Variants in CSMD3 observed in about 807,000 individuals in gnomAD.
The protein encoded by CSMD3 is CUB and Sushi multiple domains 3, also known as CUB and sushi domain-containing protein 3.
CSMD3 carries 177 observed loss-of-function variants against 435.2 expected under a neutral mutation model. The ratio of observed to expected loss-of-function variants is 0.41; its 90% CI spans 0.36 to 0.46. The LOEUF is 0.46. Among genes scored for constraint, CSMD3 ranks in the 20% least tolerant of loss-of-function variants. CSMD3 has a pLI of 0.34. For synonymous variants in CSMD3, 1,656 were observed against 1,520.5 expected, an observed-to-expected ratio of 1.09 and a Z score of -2.07; for missense variants, 4,265 against 4,504.6, an observed-to-expected ratio of 0.95 and a Z score of 1.52.
intron 22 of CSMD3, among the ~76,000 whole-genome samples, chr8:112,620,015 A>C (rs981921663): frequency 6.6e-6 from 1 of 152,106 alleles, no homozygotes; most frequent in African/African-American, 2.4e-5. Flanking sequence ...TACATAATAA[A>C]TAACCAGGGA....
At chr8:112,599,180 A>AC (rs1267807106) in intron 22 of CSMD3, among the ~76,000 whole-genome samples, 2,000 of 146,816 alleles carry the variant, frequency 0.014, 42 homozygotes, top group African/African-American at 0.048. Flanking sequence ...AAAGAAAAAA[A>AC]AAACAACCCC....
chr8:112,386,704 A>G (rs997835444), intron 36 of CSMD3, among the ~76,000 whole-genome samples: 5 of 151,916 alleles, frequency 3.3e-5, no homozygotes, highest in African/African-American at 7.2e-5. Context: ...TCACTATGTT[A>G]GCCAGGATGG....
At chr8:112,855,333 G>A (rs1242031963) in intron 11 of CSMD3, among the ~76,000 whole-genome samples, 2 of 152,038 alleles carry the variant, frequency 1.3e-5, no homozygotes, top group African/African-American at 4.8e-5. Flanking sequence ...TAGCTGCAAA[G>A]GACGCAATTT....
At chr8:113,007,871 G>A (rs1299583851) in intron 6 of CSMD3, among the ~76,000 whole-genome samples, 2 of 151,586 alleles carry the variant, frequency 1.3e-5, no homozygotes, top group African/African-American at 4.8e-5. Context: ...ATCCTTATGG[G>A]GAAAACGTAA....
At chr8:112,629,763 A>G (rs1401495143) in intron 22 of CSMD3, among the ~76,000 whole-genome samples, 2 of 152,208 alleles carry the variant, frequency 1.3e-5, no homozygotes, top group African/African-American at 2.4e-5. Flanking sequence ...TGGTGGACAG[A>G]CTTTAAGTTG....
chr8:112,720,159 G>C (rs1468003726), intron 13 of CSMD3, among the ~76,000 whole-genome samples: 2 of 152,080 alleles, frequency 1.3e-5, no homozygotes, highest in Admixed American at 6.6e-5. Flanking sequence ...CTGTGGCAAA[G>C]GTACATTCAT....
intron 3 of CSMD3, among the ~76,000 whole-genome samples, chr8:113,273,026 C>G (rs933201949): frequency 1.3e-4 from 20 of 151,816 alleles, no homozygotes; most frequent in African/African-American, 4.4e-4. Flanking sequence ...GTTTCCAACA[C>G]AAAGAGAAGA....
intron 67 of CSMD3, 148 bp from the exon 68 acceptor site, chr8:112,234,625 T>C: frequency 4.7e-6 from 3 of 632,476 alleles, no homozygotes; most frequent in Admixed American, 2.7e-5. Flanking sequence ...GCTTAACCTA[T>C]AATGCTCTTT....
At chr8:112,440,904 C>A (rs1406156041) in intron 32 of CSMD3, among the ~76,000 whole-genome samples, 2 of 152,138 alleles carry the variant, frequency 1.3e-5, no homozygotes, top group African/African-American at 4.8e-5. Context: ...GACATCCAGG[C>A]CTGTGATGGG....
intron 32 of CSMD3, among the ~76,000 whole-genome samples, chr8:112,467,700 T>G (rs998856613): frequency 6.6e-6 from 1 of 151,920 alleles, no homozygotes; most frequent in Non-Finnish European, 1.5e-5. Flanking sequence ...CAATAGGTGG[T>G]GTCATTATAA....
Position 113,007,598 on chromosome 8 carries a change from T to G in CSMD3, c.1030+11469A>C, listed in dbSNP as rs1319440898. On this transcript the variant is annotated intron_variant, in intron 6 of 70. Coordinates refer to ENST00000297405, the MANE Select transcript of CSMD3 (RefSeq NM_198123.2). Reference sequence around the variant, plus strand: ...AACTGTAAGATATATATTTCTGTTGTGTAAGCCACCCAAGTTTGTGGCACT... The same window carrying G: ...AACTGTAAGATATATATTTCTGTTGGGTAAGCCACCCAAGTTTGTGGCACT... Among the ~76,000 whole-genome samples, 3 of 151,950 alleles carry G rather than the reference T, an allele frequency of 2.0e-5. No homozygotes were observed. The Admixed American group carries it at 2.0e-4, about 10-fold the overall frequency.
At chr8:112,667,971 T>G (rs1586928523) in intron 16 of CSMD3, among the ~76,000 whole-genome samples, 1 of 152,302 alleles carries the variant, frequency 6.6e-6, no homozygotes, top group Non-Finnish European at 1.5e-5. Context: ...TTAAATAACT[T>G]GATGGAACCC....
intron 1 of CSMD3, among the ~76,000 whole-genome samples, chr8:113,322,601 A>T (rs780810137): frequency 1.3e-4 from 20 of 152,174 alleles, no homozygotes; most frequent in Non-Finnish European, 1.3e-4. Flanking sequence ...TTACATATGT[A>T]TTTTAGAATC....
intron 1 of CSMD3, among the ~76,000 whole-genome samples, chr8:113,350,548 T>C (rs190241494): frequency 3.1e-4 from 47 of 152,238 alleles, no homozygotes; most frequent in African/African-American, 1.0e-3. Context: ...ACTTTCTTAA[T>C]GTCACTTAAA....
intron 3 of CSMD3, among the ~76,000 whole-genome samples, chr8:113,211,880 G>A (rs76112016): frequency 1.9e-3 from 287 of 152,178 alleles, no homozygotes; most frequent in South Asian, 9.8e-3. Flanking sequence ...TTTTGATGTA[G>A]GCTATCTCTA....
chr8:112,388,281 T>C (rs1462750923), intron 36 of CSMD3, among the ~76,000 whole-genome samples: 1 of 152,120 alleles, frequency 6.6e-6, no homozygotes, highest in Non-Finnish European at 1.5e-5. Flanking sequence ...AACTGAGGTA[T>C]TAGATACAAG....
intron 5 of CSMD3, among the ~76,000 whole-genome samples, chr8:113,086,355 C>T (rs1002392815): frequency 1.3e-5 from 2 of 151,792 alleles, no homozygotes; most frequent in Non-Finnish European, 2.9e-5. Context: ...TAAATTCTAA[C>T]ACTATAAACC....
At chr8:112,601,128 T>A (rs900046217) in intron 22 of CSMD3, among the ~76,000 whole-genome samples, 1 of 152,182 alleles carries the variant, frequency 6.6e-6, no homozygotes, top group African/African-American at 2.4e-5. Context: ...TATACTTCTT[T>A]TATCTAATAG....
At chr8:112,470,118 A>G (rs1818374438) in intron 32 of CSMD3, among the ~76,000 whole-genome samples, 1 of 152,302 alleles carries the variant, frequency 6.6e-6, no homozygotes, top group East Asian at 1.9e-4. Flanking sequence ...GTTTACTACC[A>G]TTATCCTACT....
Sources: allele counts gnomAD v4.1 joint callset (sites outside exome capture counted in the v4.1 genomes callset), GRCh38; gene constraint gnomAD v4.1.1; transcripts MANE v1.5; gene names NCBI Gene and HGNC (gene_info 2026-07-23, HGNC 2026-07-21).